Variants in TAFA5 observed in about 807,000 individuals in gnomAD.
TAFA5 encodes chemokine-like protein TAFA-5.
In TAFA5, 6 loss-of-function variants were observed where a neutral mutation model predicts 15.3. That is an observed-to-expected ratio of 0.39 (90% CI 0.21 to 0.77). The LOEUF (loss-of-function observed/expected upper bound fraction) is 0.77. Among genes scored for constraint, TAFA5 ranks in the 30% least tolerant of loss-of-function variants. TAFA5 has a pLI of 0.41. For synonymous variants in TAFA5, 103 were observed against 80.7 expected, an observed-to-expected ratio of 1.28 and a Z score of -1.48; for missense variants, 161 against 193.1, an observed-to-expected ratio of 0.83 and a Z score of 0.98.
intron 1 of TAFA5, among the ~76,000 whole-genome samples, chr22:48,634,540 A>G (rs9628534): frequency 0.34 from 52,222 of 151,570 alleles, 9,392 homozygotes; most frequent in South Asian, 0.43. Context: ...CACACATTCA[A>G]TCATTCACTC....
At chr22:48,531,911 A>G (rs1037572212) in intron 1 of TAFA5, among the ~76,000 whole-genome samples, 1 of 152,180 alleles carries the variant, frequency 6.6e-6, no homozygotes, top group African/African-American at 2.4e-5. Flanking sequence ...ACAGCCAGGA[A>G]CAGCCAGGCA....
At chr22:48,704,700 G>C (rs1188578133) in intron 2 of TAFA5, among the ~76,000 whole-genome samples, 1 of 151,648 alleles carries the variant, frequency 6.6e-6, no homozygotes, top group East Asian at 1.9e-4. Flanking sequence ...CTGATTCTCA[G>C]CTGGAGTTTC....
At chr22:48,696,450 C>T (rs1055073373) in intron 2 of TAFA5, among the ~76,000 whole-genome samples, 1 of 152,134 alleles carries the variant, frequency 6.6e-6, no homozygotes, top group East Asian at 1.9e-4. Flanking sequence ...TTGAGGGGCC[C>T]CTGAGTGCCC....
Position 48,749,689 on chromosome 22 carries a change from G to A in TAFA5, c.391-150G>A, listed in dbSNP as rs1930425587. 3 of 793,100 alleles carry A rather than the reference G, an allele frequency of 3.8e-6. No individual in the cohort carries two copies. The African/African-American group carries it at 5.2e-5, about 14-fold the overall frequency. The allele number at this position is 793,100 out of a possible 1,614,324, so 49.1% of individuals were successfully genotyped here. ...GGGGGCACTGTCTGGTGGCCTGGAT[G>A]TCCCTCACAGCACTGAGGATGAGCT... is the stretch of plus-strand genomic sequence containing the variant. On this transcript the variant is annotated intron_variant, in intron 3 of 3. Coordinates refer to ENST00000402357, the MANE Select transcript of TAFA5 (RefSeq NM_001082967.3).
chr22:48,694,851 C>T (rs1263417188), intron 2 of TAFA5, among the ~76,000 whole-genome samples: 1 of 126,304 alleles, frequency 7.9e-6, no homozygotes, highest in Non-Finnish European at 1.7e-5. Context: ...CCCCCCGCCG[C>T]TCCAGACTTC....
At chr22:48,746,721 A>T (rs2147277927) in intron 3 of TAFA5, among the ~76,000 whole-genome samples, 1 of 152,306 alleles carries the variant, frequency 6.6e-6, no homozygotes, top group South Asian at 2.1e-4. Context: ...GCCTCCTACC[A>T]GGTGGCAGCC....
At chr22:48,647,583 C>T (rs1926911784) in intron 2 of TAFA5, among the ~76,000 whole-genome samples, 1 of 152,154 alleles carries the variant, frequency 6.6e-6, no homozygotes, top group Admixed American at 6.5e-5. Context: ...GGGAAGGCAT[C>T]TGGTGTCAAC....
intron 2 of TAFA5, among the ~76,000 whole-genome samples, chr22:48,695,562 G>A (rs1928683654): frequency 6.6e-6 from 1 of 152,220 alleles, no homozygotes; most frequent in Non-Finnish European, 1.5e-5. Flanking sequence ...AGGCAAAGGA[G>A]CACCACTTGT....
In TAFA5 at chr22:48,546,796, C is replaced by T. The variant is rs79112118; in HGVS notation, c.112+57092C>T. ...ATCCGCTGTTTCAGGAGGGTTGATT[C>T]CCGAAGTCACCGGCTCTGGTCACTT... On this transcript the variant is annotated intron_variant, in intron 1 of 3. Transcript: ENST00000402357. 1,533 of 345,704 alleles carry T rather than the reference C, an allele frequency of 4.4e-3. 26 individuals carry two copies. Among genetic ancestry groups the T allele is most frequent in the African/African-American group, 0.03 (1,385 of 46,666 alleles). 21.4% of individuals were successfully genotyped at this position (345,704 alleles called of 1,614,324 possible).
At chr22:48,507,302 G>A (rs1921033656) in intron 1 of TAFA5, among the ~76,000 whole-genome samples, 1 of 152,166 alleles carries the variant, frequency 6.6e-6, no homozygotes, top group African/African-American at 2.4e-5. Flanking sequence ...TGTGCAGTTG[G>A]AGGAGTGGCC....
chr22:48,490,279 G>A lies in TAFA5; in HGVS notation c.112+575G>A, dbSNP rs1478042988. ...AAGCGAAGTGAGGGATGGGATGCCCGGAGGGGGCTCGCCGCGGCCGCGGAC... is the reference window on the plus strand; with the variant it reads ...AAGCGAAGTGAGGGATGGGATGCCCAGAGGGGGCTCGCCGCGGCCGCGGAC... On this transcript the variant is annotated intron_variant, in intron 1 of 3. Transcript: ENST00000402357. The surrounding 1 kb of genome is among the most constrained non-coding windows in gnomAD (Gnocchi z 5.8). 6.6e-6 allele frequency among the ~76,000 whole-genome samples: 1 copy of A among 152,082 alleles called. No homozygotes were observed. The highest frequency in any genetic ancestry group is 6.5e-5 in the Admixed American group (1 of 15,288).
intron 1 of TAFA5, chr22:48,543,615 A>G (rs1278856844): frequency 1.3e-5 from 2 of 152,390 alleles, no homozygotes; most frequent in African/African-American, 2.4e-5. Flanking sequence ...TGCAGTGGAG[A>G]TGGCTGCACC....
At chr22:48,748,721 G>C (rs998155489) in intron 3 of TAFA5, among the ~76,000 whole-genome samples, 6 of 152,232 alleles carry the variant, frequency 3.9e-5, no homozygotes, top group Non-Finnish European at 8.8e-5. Context: ...CAGCTGGCCA[G>C]GGTGCTGGAG....
At chr22:48,600,491 G>A (rs1490962934) in intron 1 of TAFA5, among the ~76,000 whole-genome samples, 2 of 152,206 alleles carry the variant, frequency 1.3e-5, no homozygotes, top group Non-Finnish European at 2.9e-5. Context: ...TCCGAACTGT[G>A]CAGTGTGTAT....
intron 1 of TAFA5, among the ~76,000 whole-genome samples, chr22:48,588,303 G>C (rs542306207): frequency 1.3e-5 from 2 of 152,322 alleles, no homozygotes; most frequent in South Asian, 2.1e-4. Context: ...TGTGATCCTT[G>C]CATGACTTTG....
chr22:48,562,165 T>C (rs1923251692), intron 1 of TAFA5, among the ~76,000 whole-genome samples: 1 of 151,882 alleles, frequency 6.6e-6, no homozygotes, highest in Non-Finnish European at 1.5e-5. Flanking sequence ...TGAGATGGAG[T>C]CTCGCTCTGT....
chr22:48,590,245 G>C (rs149698274), intron 1 of TAFA5, among the ~76,000 whole-genome samples: 1 of 152,306 alleles, frequency 6.6e-6, no homozygotes, highest in East Asian at 1.9e-4. Context: ...ATCGGGGTTG[G>C]GGTGGCCAGC....
At chr22:48,641,941 A>G (rs1478821035) in intron 1 of TAFA5, among the ~76,000 whole-genome samples, 2 of 152,034 alleles carry the variant, frequency 1.3e-5, no homozygotes, top group African/African-American at 4.8e-5. Context: ...GAGAAAAGAC[A>G]GAAACACCAT....
At chr22:48,499,628 T>C (rs548770100) in intron 1 of TAFA5, among the ~76,000 whole-genome samples, 4 of 152,280 alleles carry the variant, frequency 2.6e-5, no homozygotes, top group African/African-American at 4.8e-5. Context: ...CGGCCTGTGC[T>C]GGTAGAACAC....
Sources: gnomAD v4.1 joint callset for allele counts (sites outside exome capture counted in the v4.1 genomes callset) on GRCh38, gnomAD v4.1.1 for gene constraint, Gnocchi (gnomAD v3.1) non-coding constraint, MANE v1.5 for transcripts, NCBI Gene and HGNC (gene_info 2026-07-23, HGNC 2026-07-21) for gene names.